The following CC2D1B variants were observed in gnomAD, a reference collection of about 807,000 sequenced individuals.
CC2D1B encodes coiled-coil and C2 domain-containing protein 1B.
In CC2D1B, 92 loss-of-function variants were observed where a neutral mutation model predicts 110.8. The ratio of observed to expected loss-of-function variants is 0.83; its 90% CI spans 0.70 to 0.99. The LOEUF (loss-of-function observed/expected upper bound fraction) is 0.99. Ranked by LOEUF, CC2D1B falls within the 50% of genes least tolerant of loss-of-function variation. The probability of loss-of-function intolerance (pLI) is 0.00; values close to 1 mark genes in which losing one functional copy is unlikely to be tolerated. For missense variants in CC2D1B, 1,136 were observed against 1,089.0 expected (o/e 1.04, Z -0.61); for synonymous variants, 406 against 429.2 (o/e 0.95, Z 0.67).
rs60552348 is a variant in CC2D1B, at chr1:52,351,883, C to CAAAAAA, written c.*1336_*1341dup. 3 of 71,410 alleles carry CAAAAAA rather than the reference C, an allele frequency of 4.2e-5. No homozygotes were observed. The highest frequency in any genetic ancestry group is 9.2e-5 in the Non-Finnish European group (3 of 32,468). The allele number at this position is 71,410 out of a possible 1,614,324, so 4.4% of individuals were successfully genotyped here. ...TGGCTGGCAGAGAGCTACTCTGTCT[C>CAAAAAA]AAAAAAAAAAAAAAAAAAAAAATCG... On this transcript the variant is annotated 3_prime_UTR_variant, in exon 25 of 25. Coordinates refer to ENST00000284376, the MANE Select transcript of CC2D1B (RefSeq NM_001330585.2).
At chr1:52,356,654 A>T in intron 16 of CC2D1B, 1 of 615,182 alleles carries the variant, frequency 1.6e-6, no homozygotes, top group African/African-American at 1.8e-5. Context: ...CCATTCCCCA[A>T]ATTAGCAACT....
At chr1:52,356,978 G>C in intron 16 of CC2D1B, 23 bp downstream of exon 16, 1 of 1,547,842 alleles carries the variant, frequency 6.5e-7, no homozygotes, top group Non-Finnish European at 8.7e-7. Context: ...CAGAGGGGAG[G>C]AACAGACGAG....
intron 23 of CC2D1B, 106 bp downstream of exon 23, chr1:52,354,502 T>G (rs1367768230): frequency 1.1e-6 from 1 of 950,942 alleles, no homozygotes; most frequent in African/African-American, 1.6e-5. Context: ...GTGGAGAATT[T>G]CAAATTAAGT....
Position 52,360,763 on chromosome 1 carries a change from G to C in CC2D1B, c.477+211C>G, listed in dbSNP as rs1646762353. 3.4e-6 allele frequency: 3 copies of C among 892,344 alleles called. No homozygotes were observed. The Admixed American group carries it at 8.6e-5, about 26-fold the overall frequency. 55.3% of individuals were successfully genotyped at this position (892,344 alleles called of 1,614,324 possible). ...CCCACTTGGTGGAAGCCAGGATATG[G>C]CTCCCGGGGGGTAGTCTAGGAGAAC... is the stretch of plus-strand genomic sequence containing the variant. On this transcript the variant is annotated intron_variant, in intron 5 of 24. Coordinates refer to ENST00000284376, the MANE Select transcript of CC2D1B (RefSeq NM_001330585.2).
chr1:52,357,548 C>T lies in CC2D1B; in HGVS notation c.1730G>A (p.Gly577Asp). 6.3e-7 allele frequency: 1 copy of T among 1,579,802 alleles called. No homozygotes were observed. ...CACCTTGGACAGATCAACAGGTCTG[C>T]CAGATCGGGCCTGGATGATCTGAGC... is the stretch of plus-strand genomic sequence containing the variant. ...LEAQIIQARSGRPVDLSKVPS... is the reference protein window; with the variant it reads ...LEAQIIQARSDRPVDLSKVPS... Residue 577 changes from glycine (G) to aspartate (D), a missense_variant, in exon 15 of 25, where the codon GGC becomes GAC. Transcript: ENST00000284376.
chr1:52,359,286 G>A lies in CC2D1B; in HGVS notation c.1090C>T (p.Gln364Ter), dbSNP rs759886704. The stretch of plus-strand genomic sequence containing the variant: ...GGGACGTCAGGGGCCATCACTGGCT[G>A]CACTCGCTCCACGGCTGGGGGAATG... ...SVIPPAVERV[Q>*]PVMAPDVPAT... Residue 364 changes from glutamine to a stop codon, truncating the protein, a stop_gained, in exon 10 of 25, where the codon CAG becomes TAG. Coordinates refer to ENST00000284376, the MANE Select transcript of CC2D1B (RefSeq NM_001330585.2). LOFTEE classifies it high-confidence loss of function. 14 of 1,613,214 alleles carry A rather than the reference G, an allele frequency of 8.7e-6. No individual in the cohort carries two copies. Among genetic ancestry groups the A allele is most frequent in the Non-Finnish European group, 1.2e-5 (14 of 1,179,670 alleles).
intron 11 of CC2D1B, 33 bp downstream of exon 11, chr1:52,358,994 G>GC: frequency 3.8e-6 from 6 of 1,598,776 alleles, no homozygotes; most frequent in Non-Finnish European, 5.1e-6. Context: ...GAAGAGGCCA[G>GC]CACAGGCAGG....
chr1:52,356,155 C>G (rs1309008734), intron 18 of CC2D1B, 31 bp downstream of exon 18: 8 of 1,566,396 alleles, frequency 5.1e-6, no homozygotes, highest in Middle Eastern at 3.4e-4. Context: ...CCCTCCCTGC[C>G]TGGAGCCCCT....
At position 52,363,177 on chromosome 1, in the gene CC2D1B, G is replaced by A. The variant is rs987256868; in HGVS notation, c.70-431C>T. Among the ~76,000 whole-genome samples the A allele has an allele frequency of 1.1e-4, 17 of 152,020 alleles. 1 individual carries two copies. Among genetic ancestry groups the A allele is most frequent in the East Asian group, 9.7e-4 (5 of 5,162 alleles). The stretch of plus-strand genomic sequence containing the variant: ...TGGGAGGCCGAGGCGGGTGGATCAC[G>A]AGGTCAGGAGATGGAGACCATCCTG... On this transcript the variant is annotated intron_variant, in intron 2 of 24. Transcript: ENST00000284376.
Position 52,356,262 on chromosome 1 carries a change from T to C in CC2D1B, c.1978A>G (p.Ile660Val). ...LAQDRKKQLEILQLAQAQGLD... is the reference protein window; with the variant it reads ...LAQDRKKQLEVLQLAQAQGLD... ...CCCTGAGCCTGGGCCAGCTGCAGGA[T>C]CTCCAGCTGTTTCTTGCGGTCCTGA... Residue 660 changes from isoleucine to valine, a missense_variant, in exon 18 of 25, where the codon ATC becomes GTC. Transcript: ENST00000284376. 1 of 1,614,146 alleles carries C rather than the reference T, an allele frequency of 6.2e-7. No individual in the cohort carries two copies. The highest frequency in any genetic ancestry group is 8.5e-7 in the Non-Finnish European group (1 of 1,180,014).
In CC2D1B at chr1:52,359,544, T is replaced by G. The variant is rs376245571; in HGVS notation, c.943-10A>C. The G allele has an allele frequency of 6.2e-7, 1 of 1,612,942 alleles. No individual in the cohort carries two copies. Among genetic ancestry groups the G allele is most frequent in the Admixed American group, 1.7e-5 (1 of 59,952 alleles). On this transcript the variant is annotated splice_polypyrimidine_tract_variant and intron_variant, in intron 8 of 24. Transcript: ENST00000284376. ...GGACAGCACCGAATCTCTGCAGAAG[T>G]TGGAAAAGCAGGTGTGGGTGAAAGA...
At position 52,361,018 on chromosome 1, in the gene CC2D1B, G is replaced by C; in HGVS notation, c.433C>G (p.Pro145Ala). ...GCTGTCAGGACGGCTGTCTGCACTG[G>C]AGGTTCAGTGTCTTCTAGGCCGTTC... ...EENGLEDTEPPVQTAVLTASA... is the reference protein window; with the variant it reads ...EENGLEDTEPAVQTAVLTASA... The change falls in exon 5 of 25, where the codon CCA (proline) becomes GCA (alanine). Residue 145 changes from proline to alanine, a missense_variant. Physicochemically the swap from Pro to Ala is conservative, Grantham distance 27. Coordinates refer to ENST00000284376, the MANE Select transcript of CC2D1B (RefSeq NM_001330585.2). The C allele has an allele frequency of 6.2e-7, 1 of 1,614,146 alleles. No homozygotes were observed. Among genetic ancestry groups the C allele is most frequent in the Non-Finnish European group, 8.5e-7 (1 of 1,180,014 alleles).
At chr1:52,357,385 C>G (rs1021294839) in intron 15 of CC2D1B, 141 bp downstream of exon 15, 2 of 1,015,598 alleles carry the variant, frequency 2.0e-6, no homozygotes, top group Admixed American at 2.7e-5. Flanking sequence ...GGAGTATGAG[C>G]AAAAGGCTCT....
chr1:52,357,196 G>A, intron 15 of CC2D1B, 70 bp from the exon 16 acceptor site: 1 of 1,570,490 alleles, frequency 6.4e-7, no homozygotes, highest in South Asian at 1.1e-5. Context: ...AACAAAGGCA[G>A]GAGCCCAAAC....
rs769630399 is a variant in CC2D1B, at chr1:52,357,618, G to T, written c.1660C>A (p.Leu554Met). The T allele has an allele frequency of 1.9e-6, 3 of 1,592,158 alleles. No homozygotes were observed. In the South Asian group the frequency reaches 3.4e-5, roughly 18 times the overall value. Residue 554 changes from leucine (L) to methionine (M), a missense_variant, in exon 15 of 25, where the codon CTG (leucine) becomes ATG (methionine). Transcript: ENST00000284376. ...AALQAKRSQD[L>M]EQAKAYLRVA... Reference sequence around the variant, plus strand: ...CGCAGATAGGCTTTGGCCTGCTCCAGGTCCTGGCTGCGCTTGGCCTGCAGG... The same window carrying T: ...CGCAGATAGGCTTTGGCCTGCTCCATGTCCTGGCTGCGCTTGGCCTGCAGG...
intron 10 of CC2D1B, 40 bp downstream of exon 10, chr1:52,359,206 ATGCC>A: frequency 1.2e-6 from 2 of 1,610,452 alleles, no homozygotes; most frequent in Non-Finnish European, 1.7e-6. Context: ...CTGCCCTCCA[ATGCC>A]TGCAGGTCCC....
At position 52,357,712 on chromosome 1, in the gene CC2D1B, G is replaced by A. The variant is rs1401421457; in HGVS notation, c.1580-14C>T. On this transcript the variant is annotated splice_polypyrimidine_tract_variant and intron_variant, in intron 14 of 24. Coordinates refer to ENST00000284376, the MANE Select transcript of CC2D1B (RefSeq NM_001330585.2). ...GCTGCTCCCGCACTGAAGGGAGAAG[G>A]CCACTGGTTAGGGCCACACCTGCCC... 2 of 1,609,740 alleles carry A rather than the reference G, an allele frequency of 1.2e-6. No homozygotes were observed. Among genetic ancestry groups the A allele is most frequent in the African/African-American group, 1.3e-5 (1 of 74,904 alleles).
intron 16 of CC2D1B, 148 bp from the exon 17 acceptor site, chr1:52,356,590 A>G (rs1344276955): frequency 1.3e-6 from 1 of 772,226 alleles, no homozygotes; most frequent in Non-Finnish European, 2.1e-6. Context: ...ACTACTCCCA[A>G]GTCCCACCAC....
intron 24 of CC2D1B, 53 bp downstream of exon 24, chr1:52,353,465 T>A: frequency 6.4e-7 from 1 of 1,564,450 alleles, no homozygotes; most frequent in Non-Finnish European, 8.6e-7. Context: ...GTTGAGTAGT[T>A]AGTTGAGTAA....
Sources: gnomAD v4.1 joint callset for allele counts (sites outside exome capture counted in the v4.1 genomes callset) on GRCh38, gnomAD v4.1.1 for gene constraint, MANE v1.5 for transcripts, NCBI Gene and HGNC (gene_info 2026-07-23, HGNC 2026-07-21) for gene names.